The following ADCY2 variants were observed in gnomAD, a reference collection of about 807,000 sequenced individuals.
ADCY2 encodes the protein adenylate cyclase 2, also known as adenylate cyclase type 2.
A neutral mutation model predicts 125.2 loss-of-function variants in ADCY2; 31 were observed. The ratio of observed to expected loss-of-function variants is 0.25; its 90% CI spans 0.19 to 0.33. The LOEUF (loss-of-function observed/expected upper bound fraction) is 0.33. Ranked by LOEUF, ADCY2 falls within the 10% of genes least tolerant of loss-of-function variation. The pLI is 1.00. For synonymous variants in ADCY2, 512 were observed against 548.4 expected, an observed-to-expected ratio of 0.93 and a Z score of 0.93; for missense variants, 904 against 1,418.2, an observed-to-expected ratio of 0.64 and a Z score of 5.82.
intron 2 of ADCY2, among the ~76,000 whole-genome samples, chr5:7,435,976 A>G (rs956030536): frequency 2.6e-5 from 4 of 152,242 alleles, no homozygotes; most frequent in Non-Finnish European, 5.9e-5. Flanking sequence ...GAGTAGAGTC[A>G]GAATGGAGTG....
intron 4 of ADCY2, among the ~76,000 whole-genome samples, chr5:7,638,823 C>T (rs1413152214): frequency 6.6e-6 from 1 of 152,092 alleles, no homozygotes; most frequent in Non-Finnish European, 1.5e-5. Flanking sequence ...GCTCTGTGGC[C>T]CCACCCAAAT....
intron 14 of ADCY2, among the ~76,000 whole-genome samples, chr5:7,732,346 T>A (rs1477587906): frequency 6.6e-6 from 1 of 152,230 alleles, no homozygotes; most frequent in Non-Finnish European, 1.5e-5. Context: ...GGGACAGCCC[T>A]TCAGGGCCCC....
rs1291294639 is a variant in ADCY2 at position 7,811,357 on chromosome 5, C to T, written c.2884-5509C>T. On this transcript the variant is annotated intron_variant, in intron 22 of 24. Transcript: ENST00000338316. ...CTCTACTAAAAATACAAAAATGAGC[C>T]GGGCGTGGTGGCAGGCGCCTGTAGT... Among the ~76,000 whole-genome samples the T allele has an allele frequency of 3.3e-5, 5 of 151,848 alleles. No individual in the cohort carries two copies. In the East Asian group the frequency reaches 5.8e-4, roughly 18 times the overall value.
intron 3 of ADCY2, among the ~76,000 whole-genome samples, chr5:7,619,999 C>T (rs376146599): frequency 5.9e-5 from 9 of 152,260 alleles, no homozygotes; most frequent in South Asian, 2.1e-4. Flanking sequence ...CTTTCTATAA[C>T]GATCTGAGGA....
chr5:7,689,045 G>A (rs1248331107), intron 4 of ADCY2, among the ~76,000 whole-genome samples: 1 of 152,184 alleles, frequency 6.6e-6, no homozygotes, highest in Admixed American at 6.5e-5. Context: ...AGCAATAGAA[G>A]CACATTAACT....
intron 2 of ADCY2, among the ~76,000 whole-genome samples, chr5:7,483,845 C>G (rs1466759144): frequency 1.3e-5 from 2 of 152,182 alleles, no homozygotes; most frequent in Non-Finnish European, 2.9e-5. Flanking sequence ...GTCTTTTACT[C>G]TATCAAGCCT....
At chr5:7,418,471 C>T (rs1314198996) in intron 2 of ADCY2, among the ~76,000 whole-genome samples, 1 of 152,032 alleles carries the variant, frequency 6.6e-6, no homozygotes, top group Non-Finnish European at 1.5e-5. Context: ...TATTCCTAAG[C>T]CAGGAGCATT....
At chr5:7,423,556 G>A (rs577066960) in intron 2 of ADCY2, among the ~76,000 whole-genome samples, 23 of 152,264 alleles carry the variant, frequency 1.5e-4, no homozygotes, top group African/African-American at 5.5e-4. Context: ...CATGTAAGAC[G>A]TGACTTTGCT....
chr5:7,678,915 C>T lies in ADCY2; in HGVS notation c.721-11776C>T, dbSNP rs75305678. 7.9e-3 allele frequency among the ~76,000 whole-genome samples: 1,203 copies of T among 152,318 alleles called. 14 individuals are homozygous for T. Among genetic ancestry groups the T allele is most frequent in the African/African-American group, 0.028 (1,149 of 41,566 alleles). On this transcript the variant is annotated intron_variant, in intron 4 of 24. Transcript: ENST00000338316. Reference sequence around the variant, plus strand: ...CTTATTCAAAGTGTAATGAGGCATTCGGTCACACAATCATGCATTCACTCC... The same window carrying T: ...CTTATTCAAAGTGTAATGAGGCATTTGGTCACACAATCATGCATTCACTCC...
Position 7,603,243 on chromosome 5 carries a change from A to G in ADCY2, c.571-22924A>G, listed in dbSNP as rs569603826. 1.5e-3 allele frequency among the ~76,000 whole-genome samples: 222 copies of G among 152,220 alleles called. 4 individuals carry two copies. The highest frequency in any genetic ancestry group is 4.3e-3 in the South Asian group (21 of 4,834). On this transcript the variant is annotated intron_variant, in intron 3 of 24. Coordinates refer to ENST00000338316, the MANE Select transcript of ADCY2 (RefSeq NM_020546.3). The stretch of plus-strand genomic sequence containing the variant: ...AGAGCCTGGGAAAGCCAATGTGTGG[A>G]TGTTCAGCGTCTGTAGTGGGAGGTA...
intron 15 of ADCY2, among the ~76,000 whole-genome samples, chr5:7,753,790 C>T (rs1398004057): frequency 6.6e-6 from 1 of 152,148 alleles, no homozygotes; most frequent in African/African-American, 2.4e-5. Flanking sequence ...CCTCCACTTC[C>T]TCTTTCATCC....
At chr5:7,490,487 T>C (rs1414892101) in intron 2 of ADCY2, among the ~76,000 whole-genome samples, 2 of 152,082 alleles carry the variant, frequency 1.3e-5, no homozygotes, top group African/African-American at 2.4e-5. Context: ...TTAGGAGCAA[T>C]GAGGCCACAG....
intron 4 of ADCY2, among the ~76,000 whole-genome samples, chr5:7,666,772 G>A (rs1410702524): frequency 6.6e-6 from 1 of 152,196 alleles, no homozygotes. Context: ...TGCCCCCCTG[G>A]CTTCCTGCCT....
chr5:7,723,693 C>T (rs1035862358), intron 12 of ADCY2, among the ~76,000 whole-genome samples: 30 of 152,058 alleles, frequency 2.0e-4, no homozygotes, highest in Middle Eastern at 3.4e-3. Context: ...GAGACTGAGG[C>T]GCGTGGACCA....
chr5:7,792,343 G>A (rs748652752), intron 20 of ADCY2, among the ~76,000 whole-genome samples: 3 of 151,980 alleles, frequency 2.0e-5, no homozygotes, highest in Non-Finnish European at 4.4e-5. Context: ...GCAGTGAGCC[G>A]AGCTCGTGCC....
At chr5:7,686,184 A>G (rs1352923282) in intron 4 of ADCY2, among the ~76,000 whole-genome samples, 1 of 152,212 alleles carries the variant, frequency 6.6e-6, no homozygotes, top group African/African-American at 2.4e-5. Context: ...TTAAAATTTA[A>G]GTACAAGTCT....
At chr5:7,495,767 T>C (rs978270571) in intron 2 of ADCY2, among the ~76,000 whole-genome samples, 3 of 152,224 alleles carry the variant, frequency 2.0e-5, no homozygotes, top group Non-Finnish European at 4.4e-5. Flanking sequence ...GACATCCTTA[T>C]CTAAAAATAG....
In ADCY2 at chr5:7,709,506, T is replaced by C. The variant is rs1372318050; in HGVS notation, c.1578+119T>C. ...TCTGTAAGAAACAAACTTATCACCTTCTTCTTCTCAGAGAGGCCCTTATGA... is the reference window on the plus strand; with the variant it reads ...TCTGTAAGAAACAAACTTATCACCTCCTTCTTCTCAGAGAGGCCCTTATGA... On this transcript the variant is annotated intron_variant, in intron 10 of 24. Coordinates refer to ENST00000338316, the MANE Select transcript of ADCY2 (RefSeq NM_020546.3). The surrounding 1 kb of genome is among the most constrained non-coding windows in gnomAD (Gnocchi z 4.4). 1 of 1,217,358 alleles carries C rather than the reference T, an allele frequency of 8.2e-7. No homozygotes were observed. The highest frequency in any genetic ancestry group is 1.1e-6 in the Non-Finnish European group (1 of 900,876). 75.4% of individuals were successfully genotyped at this position (1,217,358 alleles called of 1,614,324 possible).
intron 16 of ADCY2, 108 bp downstream of exon 16, chr5:7,757,694 A>C: frequency 6.9e-7 from 1 of 1,451,802 alleles, no homozygotes; most frequent in Non-Finnish European, 9.2e-7. Context: ...TAAGCCCCAC[A>C]CCATAGCTGT....
Sources: allele counts gnomAD v4.1 joint callset (sites outside exome capture counted in the v4.1 genomes callset), GRCh38; gene constraint gnomAD v4.1.1; non-coding constraint Gnocchi (gnomAD v3.1); transcripts MANE v1.5; gene names NCBI Gene and HGNC (gene_info 2026-07-23, HGNC 2026-07-21).